C1orf52: variants seen among roughly 807,000 people sequenced by gnomAD.
C1orf52 encodes chromosome 1 open reading frame 52.
Under a neutral mutation model 17.2 loss-of-function variants are expected in C1orf52, and 5 were observed. The ratio of observed to expected loss-of-function variants is 0.29; its 90% CI spans 0.15 to 0.61. The LOEUF is 0.61. C1orf52 is among the 20% of genes least tolerant of loss of function. The probability of loss-of-function intolerance (pLI) is 0.85; values close to 1 mark genes in which losing one functional copy is unlikely to be tolerated. For missense variants in C1orf52, 245 were observed against 234.1 expected (o/e 1.05, Z -0.30); for synonymous variants, 110 against 88.0 (o/e 1.25, Z -1.40).
chr1:85,255,663 G>T (rs1374725150), intron 2 of C1orf52, among the ~76,000 whole-genome samples: 3 of 152,042 alleles, frequency 2.0e-5, no homozygotes, highest in Non-Finnish European at 4.4e-5. Context: ...GCAATAAAAG[G>T]CCAAAGGGCA....
rs771014154 is a variant in C1orf52, at chr1:85,252,626, T to G, written c.*3A>C. On this transcript the variant is annotated 3_prime_UTR_variant, in exon 3 of 3. Coordinates refer to ENST00000471115, the MANE Select transcript of C1orf52 (RefSeq NM_198077.4). ...GCAGTACAGAAATTCTGGTCATTTG[T>G]TTCTACTTTTTCTTCTTTGCTGGTT... 7.4e-6 allele frequency: 12 copies of G among 1,612,734 alleles called. No individual in the cohort carries two copies. In the African/African-American group the frequency reaches 1.2e-4, roughly 16 times the overall value.
Position 85,251,531 on chromosome 1 carries a change from C to T in C1orf52, c.*1098G>A, listed in dbSNP as rs950305771. On this transcript the variant is annotated 3_prime_UTR_variant, in exon 3 of 3. Coordinates refer to ENST00000471115, the MANE Select transcript of C1orf52 (RefSeq NM_198077.4). ...CTACTTCTTGTTCATTTTATTATTA[C>T]TATACGCAAAGCATTAAAATAGAAG... The T allele has an allele frequency of 1.3e-5, 2 of 152,150 alleles. No homozygotes were observed. Among genetic ancestry groups the T allele is most frequent in the African/African-American group, 4.8e-5 (2 of 41,422 alleles). 9.4% of individuals were successfully genotyped at this position (152,150 alleles called of 1,614,324 possible). A position where few individuals can be genotyped will look rare whatever the true frequency, so the allele number is the denominator to read the frequency against.
In C1orf52 at chr1:85,251,226, T is replaced by C. The variant is rs965965805; in HGVS notation, c.*1403A>G. On this transcript the variant is annotated 3_prime_UTR_variant, in exon 3 of 3. Transcript: ENST00000471115. ...ATTATGTCTTTTTCTTTCTAAATTA[T>C]TTTTTGTAAAGATGAGGTCTTATCA... 1 of 152,238 alleles carries C rather than the reference T, an allele frequency of 6.6e-6. No homozygotes were observed. Among genetic ancestry groups the C allele is most frequent in the Non-Finnish European group, 1.5e-5 (1 of 68,032 alleles). 9.4% of individuals were successfully genotyped at this position (152,238 alleles called of 1,614,324 possible).
intron 2 of C1orf52, among the ~76,000 whole-genome samples, chr1:85,255,614 C>T (rs1253641672): frequency 6.6e-6 from 1 of 151,782 alleles, no homozygotes; most frequent in Non-Finnish European, 1.5e-5. Flanking sequence ...CTGAACCTTT[C>T]CCAGCCCTTC....
chr1:85,259,463 C>A lies in C1orf52; in HGVS notation c.171G>T (p.Pro57=). 6.2e-7 allele frequency: 1 copy of A among 1,613,888 alleles called. No homozygotes were observed. Among genetic ancestry groups the A allele is most frequent in the East Asian group, 2.2e-5 (1 of 44,864 alleles). ...CGCTCCTAAACAGCTCGTCAGGTCCCGGGAGCCGCTTCTCCGCCTTGTTCC... is the reference window on the plus strand; with the variant it reads ...CGCTCCTAAACAGCTCGTCAGGTCCAGGGAGCCGCTTCTCCGCCTTGTTCC... The part of the protein sequence containing the change: ...GCRNKAEKRL[P]GPDELFRSVT... Residue 57 remains proline, a synonymous_variant, in exon 1 of 3, where the codon CCG becomes CCT. Coordinates refer to ENST00000471115, the MANE Select transcript of C1orf52 (RefSeq NM_198077.4).
At chr1:85,257,306 T>A in intron 2 of C1orf52, 1 of 611,454 alleles carries the variant, frequency 1.6e-6, no homozygotes, top group Non-Finnish European at 2.9e-6. Context: ...AAGGAGCAAA[T>A]AATTATTAGA....
chr1:85,257,750 C>G (rs1189192914), intron 2 of C1orf52, among the ~76,000 whole-genome samples: 1 of 152,176 alleles, frequency 6.6e-6, no homozygotes, highest in Non-Finnish European at 1.5e-5. Flanking sequence ...TGTAGTAATG[C>G]TCAGTTAAAT....
At chr1:85,257,084 A>G (rs1439043142) in intron 2 of C1orf52, among the ~76,000 whole-genome samples, 1 of 152,256 alleles carries the variant, frequency 6.6e-6, no homozygotes, top group Non-Finnish European at 1.5e-5. Flanking sequence ...TGGGAAGATC[A>G]GAAATCTGTT....
At position 85,259,345 on chromosome 1, in the gene C1orf52, T is replaced by C. The variant is rs759710840; in HGVS notation, c.276+13A>G. On this transcript the variant is annotated intron_variant, in intron 1 of 2. Transcript: ENST00000471115. ...CCGGGGCCGAGACCGAGAAACGGGG[T>C]CGGGGACCTCACCTCCTCAGGCGCC... 5.6e-6 allele frequency: 9 copies of C among 1,601,318 alleles called. No homozygotes were observed. In the African/African-American group the frequency reaches 1.1e-4, roughly 19 times the overall value.
intron 2 of C1orf52, chr1:85,257,526 C>A (rs1475014788): frequency 1.4e-6 from 1 of 710,666 alleles, no homozygotes; most frequent in South Asian, 1.5e-5. Context: ...CCTATTAATA[C>A]AAGGCCTTGA....
Position 85,259,381 on chromosome 1 carries a change from G to A in C1orf52, c.253C>T (p.His85Tyr). ...ACCTCCTCAGGCGCCTTGACGACGT[G>A]CCTCTCCCAGTCTATCTGTTTGTTG... The part of the protein sequence containing the change: ...PLNKQIDWER[H>Y]VVKAPEEPPK... Residue 85 changes from histidine to tyrosine, a missense_variant, in exon 1 of 3, where the codon CAC (histidine) becomes TAC (tyrosine). Coordinates refer to ENST00000471115, the MANE Select transcript of C1orf52 (RefSeq NM_198077.4). The A allele has an allele frequency of 6.2e-7, 1 of 1,612,062 alleles. No homozygotes were observed. Among genetic ancestry groups the A allele is most frequent in the Non-Finnish European group, 8.5e-7 (1 of 1,178,280 alleles).
intron 2 of C1orf52, among the ~76,000 whole-genome samples, chr1:85,257,639 G>C (rs757970090): frequency 6.6e-6 from 1 of 152,218 alleles, no homozygotes; most frequent in Non-Finnish European, 1.5e-5. Flanking sequence ...GATTGGATAA[G>C]AATGTGTAGG....
At chr1:85,257,590 T>C (rs1659975616) in intron 2 of C1orf52, 4 of 651,234 alleles carry the variant, frequency 6.1e-6, no homozygotes, top group South Asian at 1.8e-5. Context: ...AGATACGACT[T>C]TTAGAAACTC....
intron 2 of C1orf52, among the ~76,000 whole-genome samples, chr1:85,256,862 G>A (rs1469915462): frequency 6.7e-6 from 1 of 150,008 alleles, no homozygotes; most frequent in South Asian, 2.1e-4. Context: ...TATTATAAAT[G>A]TTTACATCAT....
At position 85,258,645 on chromosome 1, in the gene C1orf52, C is replaced by T. The variant is rs4949926; in HGVS notation, c.354G>A (p.Pro118=). The stretch of plus-strand genomic sequence containing the variant: ...TTATTGCCATGTCAAGCTCTGGAGG[C>T]GGAGGCTTCTTCTCAGTGGTGTAGG... The part of the protein sequence containing the change: ...PETYTTEKKP[P]PPELDMAIKW... The change falls in exon 2 of 3, where the codon CCG becomes CCA. Residue 118 remains proline (P), a synonymous_variant. Transcript: ENST00000471115. The T allele has an allele frequency of 0.22, 351,914 of 1,613,218 alleles. 39,975 individuals carry two copies. Among genetic ancestry groups the T allele is most frequent in the East Asian group, 0.33 (14,875 of 44,852 alleles).
chr1:85,258,841 G>A, intron 1 of C1orf52, 119 bp from the exon 2 acceptor site: 1 of 1,416,834 alleles, frequency 7.1e-7, no homozygotes, highest in Non-Finnish European at 9.2e-7. Flanking sequence ...TTTCTTTAAG[G>A]TTGAAAGACA....
At chr1:85,253,946 C>G (rs1659862091) in intron 2 of C1orf52, among the ~76,000 whole-genome samples, 1 of 152,052 alleles carries the variant, frequency 6.6e-6, no homozygotes, top group Non-Finnish European at 1.5e-5. Flanking sequence ...ACTTTATTTT[C>G]TTGATCAACA....
At chr1:85,257,669 C>T (rs1245687536) in intron 2 of C1orf52, among the ~76,000 whole-genome samples, 1 of 152,156 alleles carries the variant, frequency 6.6e-6, no homozygotes, top group East Asian at 1.9e-4. Context: ...CTGTGACAGT[C>T]CAAGTAAGAG....
rs1659823963 is a variant in C1orf52 at position 85,252,520 on chromosome 1, C to CGTAT, written c.*105_*108dup. 1.2e-6 allele frequency: 1 copy of CGTAT among 825,674 alleles called. No individual in the cohort carries two copies. The highest frequency in any genetic ancestry group is 2.0e-6 in the Non-Finnish European group (1 of 497,540). 51.1% of individuals were successfully genotyped at this position (825,674 alleles called of 1,614,324 possible). A position where few individuals can be genotyped will look rare whatever the true frequency, so the allele number is the denominator to read the frequency against. On this transcript the variant is annotated 3_prime_UTR_variant, in exon 3 of 3. Coordinates refer to ENST00000471115, the MANE Select transcript of C1orf52 (RefSeq NM_198077.4). Reference sequence around the variant, plus strand: ...GAGGCAATACTTATTAGTTCATTAACGTATGCATTTTCATGGAGATGTGGC... The same window carrying CGTAT: ...GAGGCAATACTTATTAGTTCATTAACGTATGTATGCATTTTCATGGAGATGTGGC...
Sources: gnomAD v4.1 joint callset for allele counts (sites outside exome capture counted in the v4.1 genomes callset) on GRCh38, gnomAD v4.1.1 for gene constraint, MANE v1.5 for transcripts, NCBI Gene and HGNC (gene_info 2026-07-23, HGNC 2026-07-21) for gene names.